The following PCDHA1 variants were observed in gnomAD, a reference collection of about 807,000 sequenced individuals.
PCDHA1 encodes protocadherin alpha 1, also known as protocadherin alpha-1.
PCDHA1 carries 42 observed loss-of-function variants against 61.3 expected under a neutral mutation model. The ratio of observed to expected loss-of-function variants is 0.69; its 90% CI spans 0.54 to 0.89. PCDHA1 has a LOEUF of 0.89. Ranked by LOEUF, PCDHA1 falls within the 40% of genes least tolerant of loss-of-function variation. The pLI is 0.00. For missense variants in PCDHA1, 1,256 were observed against 1,235.3 expected (o/e 1.02, Z -0.25); for synonymous variants, 610 against 553.8 (o/e 1.10, Z -1.43).
rs1333158851 is a variant in PCDHA1 at position 140,787,553 on chromosome 5, T to A, written c.1263T>A (p.Tyr421Ter). ...TGGATCGCGAGAGCCTGTCGGTCTATGAGCTGGTGGTGACCGCGCGGGACG... is the reference window on the plus strand; with the variant it reads ...TGGATCGCGAGAGCCTGTCGGTCTAAGAGCTGGTGGTGACCGCGCGGGACG... ...SALDRESLSVYELVVTARDGG... is the reference protein window; with the variant it reads ...SALDRESLSV Residue 421 changes from tyrosine to a stop codon, truncating the protein, a stop_gained, in exon 1 of 4, where the codon TAT becomes TAA. Transcript: ENST00000504120. LOFTEE classifies it high-confidence loss of function. The A allele has an allele frequency of 1.9e-6, 3 of 1,613,740 alleles. No homozygotes were observed. Among genetic ancestry groups the A allele is most frequent in the Non-Finnish European group, 2.5e-6 (3 of 1,179,602 alleles).
chr5:140,863,264 C>A (rs1432032847), intron 1 of PCDHA1: 2 of 1,454,796 alleles, frequency 1.4e-6, no homozygotes, highest in African/African-American at 1.4e-5. Context: ...GTCCGGGAGG[C>A]AGCGCTGGTG....
At chr5:140,933,512 A>C (rs2089201610) in intron 1 of PCDHA1, among the ~76,000 whole-genome samples, 1 of 152,078 alleles carries the variant, frequency 6.6e-6, no homozygotes, top group African/African-American at 2.4e-5. Context: ...CAAAGACTAC[A>C]GCTGTTTTGT....
chr5:140,907,690 G>C (rs761914004), intron 1 of PCDHA1, among the ~76,000 whole-genome samples: 1 of 152,196 alleles, frequency 6.6e-6, no homozygotes, highest in African/African-American at 2.4e-5. Context: ...TTGGTGAGTG[G>C]AAGTCCCTGT....
rs144694616 is a variant in PCDHA1, at chr5:140,836,586, G to A, written c.2394+47902G>A. Reference sequence around the variant, plus strand: ...GTCCTCTGAGGGCGCATGTAGTTTGGTAAAGCCCACTCTGGTGTGCTCCAG... The same window carrying A: ...GTCCTCTGAGGGCGCATGTAGTTTGATAAAGCCCACTCTGGTGTGCTCCAG... On this transcript the variant is annotated intron_variant, in intron 1 of 3. Coordinates refer to ENST00000504120, the MANE Select transcript of PCDHA1 (RefSeq NM_018900.4). The A allele has an allele frequency of 3.1e-6, 5 of 1,613,634 alleles. 1 individual carries two copies. The highest frequency in any genetic ancestry group is 4.2e-6 in the Non-Finnish European group (5 of 1,179,854).
chr5:140,943,605 CTT>C (rs1232110768), intron 1 of PCDHA1, among the ~76,000 whole-genome samples: 5 of 152,064 alleles, frequency 3.3e-5, no homozygotes, highest in African/African-American at 1.2e-4. Context: ...TAAATATAGA[CTT>C]TGATTCATCT....
Position 141,000,690 on chromosome 5 carries a change from A to G in PCDHA1, c.2543-8937A>G, listed in dbSNP as rs550187550. On this transcript the variant is annotated intron_variant, in intron 3 of 3. Transcript: ENST00000504120. The stretch of plus-strand genomic sequence containing the variant: ...TGATCCACCTGCCTCTGCCTCCCAA[A>G]GTGCTGGGATTACAGGCATGAGCCA... 4.2e-3 allele frequency among the ~76,000 whole-genome samples: 638 copies of G among 151,554 alleles called. 1 individual carries two copies. The highest frequency in any genetic ancestry group is 7.2e-3 in the Non-Finnish European group (489 of 67,874).
chr5:140,807,418 A>C, intron 1 of PCDHA1: 1 of 1,591,824 alleles, frequency 6.3e-7, no homozygotes, highest in Non-Finnish European at 8.5e-7. Context: ...TTCTGGAGGT[A>C]AATCTGCAGA....
Position 140,805,008 on chromosome 5 carries a change from G to A in PCDHA1, c.2394+16324G>A. The stretch of plus-strand genomic sequence containing the variant: ...GTCAGTATTTTAAAAATTTAGTTCT[G>A]TTATCAGCTTCTTGAATATAATAGA... On this transcript the variant is annotated intron_variant, in intron 1 of 3. Coordinates refer to ENST00000504120, the MANE Select transcript of PCDHA1 (RefSeq NM_018900.4). The A allele has an allele frequency of 1.9e-6, 3 of 1,547,302 alleles. No homozygotes were observed. The South Asian group carries it at 3.6e-5, about 19-fold the overall frequency.
rs1562128347 is a variant in PCDHA1, at chr5:140,786,594, T to C, written c.304T>C (p.Cys102Arg). The C allele has an allele frequency of 6.2e-7, 1 of 1,614,136 alleles. No homozygotes were observed. The highest frequency in any genetic ancestry group is 8.5e-7 in the Non-Finnish European group (1 of 1,180,032). Reference sequence around the variant, plus strand: ...GGAGCTGTGCCAGTGGAGCGCGGAGTGCAGCATCCACCTGGAGTTGATCGC... The same window carrying C: ...GGAGCTGTGCCAGTGGAGCGCGGAGCGCAGCATCCACCTGGAGTTGATCGC... The part of the protein sequence containing the change: ...REELCQWSAE[C>R]SIHLELIADR... Residue 102 changes from cysteine (C) to arginine (R), a missense_variant, in exon 1 of 4, where the codon TGC becomes CGC. Physicochemically the swap from Cys to Arg is radical, Grantham distance 180. Transcript: ENST00000504120.
chr5:140,841,059 A>G, intron 1 of PCDHA1: 1 of 449,736 alleles, frequency 2.2e-6, no homozygotes, highest in Non-Finnish European at 3.9e-6. Context: ...CTATTAAATT[A>G]TGATAAAGAA....
intron 1 of PCDHA1, chr5:140,809,659 C>G: frequency 6.7e-7 from 1 of 1,484,776 alleles, no homozygotes; most frequent in Non-Finnish European, 9.0e-7. Flanking sequence ...AGTCAAATTT[C>G]CCTGGGTTAA....
intron 1 of PCDHA1, among the ~76,000 whole-genome samples, chr5:140,800,390 T>A (rs1762548959): frequency 6.6e-6 from 1 of 152,118 alleles, no homozygotes; most frequent in South Asian, 2.1e-4. Flanking sequence ...TTCTACAAAT[T>A]TAAAAAACCA....
chr5:140,901,069 T>C (rs1175492593), intron 1 of PCDHA1, among the ~76,000 whole-genome samples: 2 of 152,186 alleles, frequency 1.3e-5, no homozygotes, highest in Admixed American at 6.5e-5. Context: ...GATTTTTTTT[T>C]CTATAGAGTT....
At chr5:140,927,906 C>G (rs116016831) in intron 1 of PCDHA1, 1 of 1,614,180 alleles carries the variant, frequency 6.2e-7, no homozygotes, top group Non-Finnish European at 8.5e-7. Flanking sequence ...ATCATGCCCC[C>G]GAACTGGACT....
At chr5:140,862,429 A>G (rs2047360800) in intron 1 of PCDHA1, 1 of 354,378 alleles carries the variant, frequency 2.8e-6, no homozygotes, top group Admixed American at 3.8e-5. Context: ...CCCAGAAACT[A>G]TTCGTTGGTA....
intron 1 of PCDHA1, chr5:140,930,201 A>G (rs1185112868): frequency 6.6e-6 from 1 of 152,178 alleles, no homozygotes; most frequent in Non-Finnish European, 1.5e-5. Flanking sequence ...TTATGTCAGA[A>G]ATATTTATGT....
chr5:140,836,641 A>G, intron 1 of PCDHA1: 1 of 1,613,486 alleles, frequency 6.2e-7, no homozygotes, highest in South Asian at 1.1e-5. Flanking sequence ...TTCTCCCAGC[A>G]GAGGCGGCAG....
At chr5:140,967,820 C>A (rs1162525542) in intron 1 of PCDHA1, 29 of 1,614,052 alleles carry the variant, frequency 1.8e-5, no homozygotes, top group Non-Finnish European at 2.5e-5. Context: ...CTGCAAGGTG[C>A]TGGTGGACAT....
intron 1 of PCDHA1, among the ~76,000 whole-genome samples, chr5:140,896,197 T>G (rs911999135): frequency 2.0e-5 from 3 of 152,280 alleles, no homozygotes; most frequent in Non-Finnish European, 2.9e-5. Flanking sequence ...AGTGCCATGA[T>G]GAACATACAC....
Sources: gnomAD v4.1 joint callset for allele counts (sites outside exome capture counted in the v4.1 genomes callset) on GRCh38, gnomAD v4.1.1 for gene constraint, MANE v1.5 for transcripts, NCBI Gene and HGNC (gene_info 2026-07-23, HGNC 2026-07-21) for gene names.